KCNH1: variants seen among roughly 807,000 people sequenced by gnomAD.
The protein encoded by KCNH1 is voltage-gated delayed rectifier potassium channel KCNH1.
In KCNH1, 27 loss-of-function variants were observed where a neutral mutation model predicts 69.2. The ratio of observed to expected loss-of-function variants is 0.39; its 90% CI spans 0.29 to 0.54. The LOEUF (loss-of-function observed/expected upper bound fraction) is 0.54. Ranked by LOEUF, KCNH1 falls within the 20% of genes least tolerant of loss-of-function variation. The pLI, the probability that KCNH1 is intolerant of heterozygous loss-of-function variation, is 0.68. For missense variants in KCNH1, 798 were observed against 1,261.6 expected, an observed-to-expected ratio of 0.63 and a Z score of 5.57; for synonymous variants, 456 against 487.7, an observed-to-expected ratio of 0.93 and a Z score of 0.86.
chr1:210,876,688 T>C (rs1318664815), intron 7 of KCNH1, among the ~76,000 whole-genome samples: 1 of 152,086 alleles, frequency 6.6e-6, no homozygotes, highest in Non-Finnish European at 1.5e-5. Context: ...GCATTTAACA[T>C]AAACAAGCTG....
At chr1:210,743,902 A>G (rs1251989593) in intron 10 of KCNH1, among the ~76,000 whole-genome samples, 2 of 152,104 alleles carry the variant, frequency 1.3e-5, no homozygotes, top group African/African-American at 4.8e-5. Flanking sequence ...TCCCTGTGGG[A>G]GGGACTACAC....
chr1:210,713,636 C>T (rs1273286265), intron 10 of KCNH1, among the ~76,000 whole-genome samples: 3 of 152,052 alleles, frequency 2.0e-5, no homozygotes, highest in African/African-American at 7.2e-5. Flanking sequence ...GGGGGAAGAA[C>T]ATCCCATCCG....
At chr1:211,127,516 G>A (rs554656674) in intron 1 of KCNH1, among the ~76,000 whole-genome samples, 7 of 151,474 alleles carry the variant, frequency 4.6e-5, no homozygotes, top group Non-Finnish European at 7.4e-5. Context: ...ATTTACAATC[G>A]TGTGTGAGGG....
chr1:211,069,588 G>T (rs1037025514), intron 5 of KCNH1, among the ~76,000 whole-genome samples: 3 of 152,158 alleles, frequency 2.0e-5, no homozygotes, highest in Non-Finnish European at 2.9e-5. Flanking sequence ...TTGATATAAA[G>T]AATGTCTTTG....
At chr1:211,058,797 G>A (rs1428009748) in intron 5 of KCNH1, among the ~76,000 whole-genome samples, 2 of 152,056 alleles carry the variant, frequency 1.3e-5, no homozygotes, top group African/African-American at 4.8e-5. Flanking sequence ...GAGTAACTAA[G>A]TGGATTAAAA....
intron 3 of KCNH1, among the ~76,000 whole-genome samples, chr1:211,100,414 A>G (rs1019588521): frequency 3.9e-5 from 6 of 152,076 alleles, no homozygotes; most frequent in African/African-American, 1.4e-4. Context: ...GAGCAGTGGC[A>G]CAATCTCAGC....
chr1:210,954,525 T>C (rs1376952571), intron 6 of KCNH1, among the ~76,000 whole-genome samples: 1 of 152,212 alleles, frequency 6.6e-6, no homozygotes, highest in Non-Finnish European at 1.5e-5. Context: ...CCACCAACAG[T>C]GTAAAAGCAT....
chr1:210,944,855 T>A (rs901610261), intron 6 of KCNH1, among the ~76,000 whole-genome samples: 1 of 152,198 alleles, frequency 6.6e-6, no homozygotes, highest in Non-Finnish European at 1.5e-5. Context: ...CCACTATTCA[T>A]CTCCAGAAAT....
At chr1:210,694,321 T>C (rs1362333412) in intron 10 of KCNH1, among the ~76,000 whole-genome samples, 1 of 152,044 alleles carries the variant, frequency 6.6e-6, no homozygotes. Context: ...TGCACACTTA[T>C]CTCCTCTTAC....
chr1:211,016,452 T>C (rs564104283), intron 6 of KCNH1, among the ~76,000 whole-genome samples: 1 of 152,344 alleles, frequency 6.6e-6, no homozygotes, highest in East Asian at 1.9e-4. Context: ...TAAAAACCAG[T>C]GTGCTTCTTA....
intron 6 of KCNH1, among the ~76,000 whole-genome samples, chr1:210,962,682 T>A (rs1030217637): frequency 1.3e-5 from 2 of 151,754 alleles, no homozygotes; most frequent in African/African-American, 4.8e-5. Context: ...TGTTTCCAGG[T>A]TTTTAATCAT....
At chr1:210,821,437 A>C (rs1299621631) in intron 7 of KCNH1, among the ~76,000 whole-genome samples, 1 of 152,196 alleles carries the variant, frequency 6.6e-6, no homozygotes, top group Non-Finnish European at 1.5e-5. Context: ...CTCCCTGGTT[A>C]GAACAACAGG....
chr1:210,766,012 G>A (rs180962508), intron 10 of KCNH1, among the ~76,000 whole-genome samples: 49 of 152,138 alleles, frequency 3.2e-4, no homozygotes, highest in Non-Finnish European at 6.3e-4. Context: ...GCAGGGAGCC[G>A]AGATCGCGCC....
At chr1:211,119,370 T>TA (rs921812202) in intron 1 of KCNH1, among the ~76,000 whole-genome samples, 5 of 151,992 alleles carry the variant, frequency 3.3e-5, no homozygotes, top group African/African-American at 9.7e-5. Context: ...AAAAAAGTTT[T>TA]AAAAAAAGCA....
At chr1:210,845,190 T>A (rs997345732) in intron 7 of KCNH1, among the ~76,000 whole-genome samples, 2 of 152,064 alleles carry the variant, frequency 1.3e-5, no homozygotes. Flanking sequence ...ACTATTCCAA[T>A]CAATAGAAAA....
At chr1:210,697,679 G>T (rs545459109) in intron 10 of KCNH1, among the ~76,000 whole-genome samples, 2 of 152,256 alleles carry the variant, frequency 1.3e-5, no homozygotes, top group Non-Finnish European at 2.9e-5. Context: ...GCGGGTGGGG[G>T]AGGTTGTATC....
chr1:211,125,887 TTTTAC>T (rs758305714), intron 1 of KCNH1, among the ~76,000 whole-genome samples: 3 of 152,226 alleles, frequency 2.0e-5, no homozygotes, highest in Non-Finnish European at 4.4e-5. Context: ...AGAGTTGTCA[TTTTAC>T]TTTACATAAT....
At chr1:211,126,813 G>A (rs1691785815) in intron 1 of KCNH1, among the ~76,000 whole-genome samples, 1 of 151,496 alleles carries the variant, frequency 6.6e-6, no homozygotes, top group Non-Finnish European at 1.5e-5. Flanking sequence ...GCATGCCAAA[G>A]AAGACAGAGC....
intron 6 of KCNH1, among the ~76,000 whole-genome samples, chr1:210,926,286 C>CACAA (rs1248328014): frequency 1.3e-5 from 2 of 151,796 alleles, no homozygotes; most frequent in African/African-American, 2.4e-5. Context: ...CACACACACA[C>CACAA]AAAACCAAGG....
Sources: allele counts gnomAD v4.1 joint callset (sites outside exome capture counted in the v4.1 genomes callset), GRCh38; gene constraint gnomAD v4.1.1; transcripts MANE v1.5; gene names NCBI Gene and HGNC (gene_info 2026-07-23, HGNC 2026-07-21).